TNKS: variants seen among roughly 807,000 people sequenced by gnomAD.
TNKS encodes tankyrase.
TNKS carries 72 observed loss-of-function variants against 135.8 expected under a neutral mutation model. The observed-to-expected ratio is 0.53, with a 90% CI of 0.44 to 0.64. The LOEUF is 0.64. TNKS is among the 30% of genes least tolerant of loss of function. The pLI, the probability that TNKS is intolerant of heterozygous loss-of-function variation, is 0.00. For missense variants in TNKS, 1,769 were observed against 1,674.0 expected (o/e 1.06, Z -0.99); for synonymous variants, 849 against 649.3 (o/e 1.31, Z -4.68).
rs560982372 is a variant in TNKS at position 9,611,969 on chromosome 8, A to T, written c.899-3613A>T. 3.3e-5 allele frequency among the ~76,000 whole-genome samples: 5 copies of T among 152,274 alleles called. No individual in the cohort carries two copies. The South Asian group carries it at 1.0e-3, about 32-fold the overall frequency. On this transcript the variant is annotated intron_variant, in intron 2 of 26. Transcript: ENST00000310430. ...GTGGGAGAAGAAGAGATTCTATTTG[A>T]AGCAGCTGTTTTTTATTTTTATTTT...
intron 3 of TNKS, among the ~76,000 whole-genome samples, chr8:9,640,528 A>C (rs917922542): frequency 6.8e-6 from 1 of 146,228 alleles, no homozygotes; most frequent in African/African-American, 2.5e-5. Flanking sequence ...TGAATAGGGA[A>C]GTAAATAACT....
At chr8:9,653,492 G>A (rs192826161) in intron 3 of TNKS, among the ~76,000 whole-genome samples, 75 of 152,002 alleles carry the variant, frequency 4.9e-4, no homozygotes, top group African/African-American at 1.3e-3. Context: ...TGAGGGCCTC[G>A]TACTGGGTCT....
chr8:9,706,736 A>C, intron 7 of TNKS, 75 bp from the exon 8 acceptor site: 1 of 1,399,136 alleles, frequency 7.1e-7, no homozygotes, highest in Non-Finnish European at 9.7e-7. Flanking sequence ...ATTTACAAAG[A>C]AATAAATGTC....
intron 26 of TNKS, chr8:9,772,523 T>G (rs1480263051): frequency 1.2e-5 from 5 of 425,288 alleles, no homozygotes; most frequent in Non-Finnish European, 2.3e-5. Flanking sequence ...TGTGCTAACT[T>G]TCCAGATTAC....
chr8:9,775,733 A>G (rs963480925), intron 26 of TNKS, among the ~76,000 whole-genome samples: 16 of 151,848 alleles, frequency 1.1e-4, no homozygotes, highest in Admixed American at 6.6e-4. Context: ...CTTATCCTGT[A>G]TCTATATGCA....
chr8:9,733,593 T>G (rs1805550413), intron 15 of TNKS, 149 bp downstream of exon 15: 1 of 663,678 alleles, frequency 1.5e-6, no homozygotes, highest in South Asian at 2.1e-5. Flanking sequence ...ACCGTTTATG[T>G]GATATGACAC....
chr8:9,570,909 C>T (rs1179785097), intron 1 of TNKS, among the ~76,000 whole-genome samples: 1 of 152,128 alleles, frequency 6.6e-6, no homozygotes, highest in Non-Finnish European at 1.5e-5. Context: ...GTCAAGTTTG[C>T]AGTGAGCTCT....
At chr8:9,649,632 C>A (rs576656965) in intron 3 of TNKS, among the ~76,000 whole-genome samples, 13 of 151,692 alleles carry the variant, frequency 8.6e-5, no homozygotes, top group African/African-American at 3.1e-4. Flanking sequence ...CCCTCTCACC[C>A]TTCCCCCCAA....
chr8:9,680,723 A>T lies in TNKS; in HGVS notation c.1032-2A>T. 1 of 1,604,432 alleles carries T rather than the reference A, an allele frequency of 6.2e-7. No homozygotes were observed. The highest frequency in any genetic ancestry group is 8.5e-7 in the Non-Finnish European group (1 of 1,173,036). On this transcript the variant is annotated splice_acceptor_variant, in intron 4 of 26. Transcript: ENST00000310430. LOFTEE classifies it high-confidence loss of function. ...AGGAATTGACTTACTACCTTTTTATAGGAGTGGTAATGAAGAAAAACTAAT... is the reference window on the plus strand; with the variant it reads ...AGGAATTGACTTACTACCTTTTTATTGGAGTGGTAATGAAGAAAAACTAAT...
chr8:9,636,097 T>A (rs973270513), intron 3 of TNKS, among the ~76,000 whole-genome samples: 9 of 152,282 alleles, frequency 5.9e-5, no homozygotes, highest in African/African-American at 2.2e-4. Flanking sequence ...AATGTATCGA[T>A]GTATTGCAGC....
At chr8:9,623,059 T>G (rs940633855) in intron 3 of TNKS, among the ~76,000 whole-genome samples, 32 of 152,228 alleles carry the variant, frequency 2.1e-4, no homozygotes, top group Non-Finnish European at 4.6e-4. Context: ...ATGTGGTCTC[T>G]CTCTGTGTCT....
At chr8:9,649,164 A>G (rs942832937) in intron 3 of TNKS, among the ~76,000 whole-genome samples, 3 of 152,220 alleles carry the variant, frequency 2.0e-5, no homozygotes, top group East Asian at 1.9e-4. Context: ...TTTTAAAAAC[A>G]TGTTTCTTAT....
rs550479358 is a variant in TNKS at position 9,601,878 on chromosome 8, A to G, written c.899-13704A>G. Among the ~76,000 whole-genome samples the G allele has an allele frequency of 2.6e-5, 4 of 152,288 alleles. No homozygotes were observed. In the East Asian group the frequency reaches 7.7e-4, roughly 29 times the overall value. ...TTTCTTATGTTTAGAAACCACATAA[A>G]TCTTTCTTCAAATGAAATATAATGC... On this transcript the variant is annotated intron_variant, in intron 2 of 26. Coordinates refer to ENST00000310430, the MANE Select transcript of TNKS (RefSeq NM_003747.3).
At chr8:9,720,256 T>C in intron 11 of TNKS, 118 bp from the exon 12 acceptor site, 1 of 971,778 alleles carries the variant, frequency 1.0e-6, no homozygotes, top group Non-Finnish European at 1.4e-6. Context: ...TCAATATCTA[T>C]GAGACTTTTT....
intron 2 of TNKS, among the ~76,000 whole-genome samples, chr8:9,595,629 C>G (rs756322392): frequency 6.6e-6 from 1 of 152,054 alleles, no homozygotes; most frequent in Non-Finnish European, 1.5e-5. Flanking sequence ...GAAGCTTTCA[C>G]TCTTCCAAGG....
At chr8:9,717,101 A>ATATATATATATATATATATTTT (rs1454492300) in intron 11 of TNKS, among the ~76,000 whole-genome samples, 6 of 119,336 alleles carry the variant, frequency 5.0e-5, no homozygotes, top group Admixed American at 8.6e-5. Context: ...ATATATATAT[A>ATATATATATATATATATATTTT]TTTTCAGGGA....
chr8:9,556,654 G>C, intron 1 of TNKS, 42 bp downstream of exon 1: 4 of 1,608,284 alleles, frequency 2.5e-6, no homozygotes, highest in Non-Finnish European at 3.4e-6. Context: ...TATGGGTTTG[G>C]GTGCAGGGTC....
At chr8:9,605,794 TG>T (rs1799194318) in intron 2 of TNKS, among the ~76,000 whole-genome samples, 1 of 152,106 alleles carries the variant, frequency 6.6e-6, no homozygotes, top group South Asian at 2.1e-4. Context: ...TTGTATTGTT[TG>T]CCTTTTAATG....
At chr8:9,762,283 A>G (rs1807184576) in intron 21 of TNKS, among the ~76,000 whole-genome samples, 1 of 152,206 alleles carries the variant, frequency 6.6e-6, no homozygotes, top group Non-Finnish European at 1.5e-5. Flanking sequence ...GAGAATCTAC[A>G]GAGCTAATCA....
Sources: allele counts gnomAD v4.1 joint callset (sites outside exome capture counted in the v4.1 genomes callset), GRCh38; gene constraint gnomAD v4.1.1; transcripts MANE v1.5; gene names NCBI Gene and HGNC (gene_info 2026-07-23, HGNC 2026-07-21).